Variants in USP48 observed in about 807,000 individuals in gnomAD.
USP48 encodes ubiquitin specific peptidase 48.
USP48 carries 43 observed loss-of-function variants against 150.7 expected under a neutral mutation model. The observed-to-expected ratio is 0.29, with a 90% CI of 0.22 to 0.37. USP48 has a LOEUF of 0.37. Ranked by LOEUF, USP48 falls within the 10% of genes least tolerant of loss-of-function variation. The pLI, the probability that USP48 is intolerant of heterozygous loss-of-function variation, is 1.00. For missense variants in USP48, 813 were observed against 1,249.6 expected (o/e 0.65, Z 5.27); for synonymous variants, 396 against 425.9 (o/e 0.93, Z 0.86).
At chr1:21,700,750 A>C (rs1284470742) in intron 22 of USP48, among the ~76,000 whole-genome samples, 1 of 152,158 alleles carries the variant, frequency 6.6e-6, no homozygotes, top group Non-Finnish European at 1.5e-5. Context: ...ACCTACATCA[A>C]CCATATTCCC....
chr1:21,729,065 G>A (rs1386497922), intron 10 of USP48, among the ~76,000 whole-genome samples: 3 of 151,946 alleles, frequency 2.0e-5, no homozygotes, highest in South Asian at 2.1e-4. Context: ...CGGGTGGATC[G>A]TGAGGTCAAG....
chr1:21,756,395 C>A (rs1377084403), intron 3 of USP48, 151 bp downstream of exon 3: 1 of 877,384 alleles, frequency 1.1e-6, no homozygotes, highest in Non-Finnish European at 1.7e-6. Flanking sequence ...GCAGGAGAAT[C>A]GCTTCAGCCC....
chr1:21,715,124 G>T, intron 15 of USP48: 1 of 354,730 alleles, frequency 2.8e-6, no homozygotes, highest in Non-Finnish European at 5.2e-6. Context: ...AGAAACATAC[G>T]AGCACTATTC....
intron 26 of USP48, among the ~76,000 whole-genome samples, chr1:21,680,463 T>C (rs2097562870): frequency 6.6e-6 from 1 of 152,246 alleles, no homozygotes. Context: ...TGTTTTGCTC[T>C]AGGAGGGGAC....
rs186554781 is a variant in USP48, at chr1:21,752,663, G to C, written c.541-12C>G. On this transcript the variant is annotated splice_polypyrimidine_tract_variant and intron_variant, in intron 4 of 26. Transcript: ENST00000308271. ...AATTCTTGAGCATCCTACAAGTTTA[G>C]GTTAATGAAAAGAAAAATCATATCT... 220 of 1,576,736 alleles carry C rather than the reference G, an allele frequency of 1.4e-4. No individual in the cohort carries two copies. In the African/African-American group the frequency reaches 2.6e-3, roughly 19 times the overall value.
intron 1 of USP48, among the ~76,000 whole-genome samples, chr1:21,759,462 T>C (rs2097845042): frequency 6.6e-6 from 1 of 152,152 alleles, no homozygotes; most frequent in Admixed American, 6.6e-5. Flanking sequence ...GAAACACAGA[T>C]CCTGACTTCT....
At chr1:21,737,537 T>C (rs2097771355) in intron 8 of USP48, among the ~76,000 whole-genome samples, 1 of 152,184 alleles carries the variant, frequency 6.6e-6, no homozygotes. Context: ...TGAACTAAAA[T>C]GTCTTAAAAT....
chr1:21,687,094 TCAAA>T, intron 25 of USP48, 93 bp downstream of exon 25: 1 of 1,168,346 alleles, frequency 8.6e-7, no homozygotes, highest in Admixed American at 2.2e-5. Flanking sequence ...TTTTCAAGGT[TCAAA>T]GTAAAAGCAC....
intron 17 of USP48, 108 bp from the exon 18 acceptor site, chr1:21,706,295 G>A (rs1258286448): frequency 5.3e-6 from 8 of 1,497,588 alleles, no homozygotes; most frequent in Non-Finnish European, 7.3e-6. Flanking sequence ...TAAATAAAAT[G>A]AAAACACAGT....
chr1:21,719,090 A>T (rs1442721034), intron 14 of USP48, among the ~76,000 whole-genome samples: 1 of 149,384 alleles, frequency 6.7e-6, no homozygotes, highest in Non-Finnish European at 1.5e-5. Context: ...ACATGGTGAA[A>T]CCCCATCTCC....
At chr1:21,703,686 T>C in intron 20 of USP48, 68 bp from the exon 21 acceptor site, 1 of 1,174,924 alleles carries the variant, frequency 8.5e-7, no homozygotes, top group Non-Finnish European at 1.2e-6. Flanking sequence ...ATCAAAGATC[T>C]AAAAACATAT....
rs1410026708 is a variant in USP48 at position 21,728,696 on chromosome 1, G to A, written c.1324C>T (p.Arg442Trp). The part of the protein sequence containing the change: ...VPAFLQELVD[R>W]DNSKFEEWCI... ...CACTCCTCAAATTTGGAATTATCCC[G>A]ATCTACCAGCTCTTGAAGAAAGGCT... Residue 442 changes from arginine (R) to tryptophan (W), a missense_variant, in exon 11 of 27, where the codon CGG becomes TGG. Arg to Trp is a moderately radical substitution (Grantham distance 101, BLOSUM62 -3). Transcript: ENST00000308271. The A allele has an allele frequency of 6.2e-7, 1 of 1,613,892 alleles. No individual in the cohort carries two copies. Among genetic ancestry groups the A allele is most frequent in the Non-Finnish European group, 8.5e-7 (1 of 1,179,964 alleles).
intron 1 of USP48, among the ~76,000 whole-genome samples, chr1:21,776,466 G>A (rs896324619): frequency 2.6e-5 from 4 of 151,960 alleles, no homozygotes; most frequent in African/African-American, 9.7e-5. Context: ...GCTCATGTCT[G>A]GAATCCCAGC....
intron 22 of USP48, among the ~76,000 whole-genome samples, chr1:21,700,137 C>T (rs906465908): frequency 1.3e-5 from 2 of 151,762 alleles, no homozygotes; most frequent in African/African-American, 4.8e-5. Flanking sequence ...AAGGGCATCA[C>T]TTACTATAGA....
At chr1:21,683,137 T>C (rs372130806) in intron 25 of USP48, among the ~76,000 whole-genome samples, 4 of 152,200 alleles carry the variant, frequency 2.6e-5, no homozygotes, top group Non-Finnish European at 4.4e-5. Flanking sequence ...GTTGCATGCC[T>C]ATAGTCCCAG....
At chr1:21,723,419 C>G (rs2097727382) in intron 12 of USP48, among the ~76,000 whole-genome samples, 1 of 151,682 alleles carries the variant, frequency 6.6e-6, no homozygotes, top group Non-Finnish European at 1.5e-5. Context: ...ACTCGGGAGG[C>G]TCGAGAATCA....
intron 8 of USP48, 75 bp downstream of exon 8, chr1:21,746,992 C>T (rs1397364636): frequency 8.3e-7 from 1 of 1,209,026 alleles, no homozygotes; most frequent in East Asian, 2.6e-5. Context: ...GACTGCTATT[C>T]TATATTAATC....
intron 6 of USP48, among the ~76,000 whole-genome samples, chr1:21,749,510 T>G (rs984282747): frequency 6.6e-6 from 1 of 152,184 alleles, no homozygotes; most frequent in Non-Finnish European, 1.5e-5. Flanking sequence ...CTCCATTCTT[T>G]CAGTTGATCA....
intron 9 of USP48, among the ~76,000 whole-genome samples, chr1:21,730,635 A>T (rs1043867590): frequency 2.7e-4 from 41 of 151,468 alleles, no homozygotes; most frequent in African/African-American, 9.0e-4. Flanking sequence ...CAGAGGTTGC[A>T]GTGTGTCACT....
Sources: gnomAD v4.1 joint callset for allele counts (sites outside exome capture counted in the v4.1 genomes callset) on GRCh38, gnomAD v4.1.1 for gene constraint, MANE v1.5 for transcripts, NCBI Gene and HGNC (gene_info 2026-07-23, HGNC 2026-07-21) for gene names.